The following NLGN1 variants were observed in gnomAD, a reference collection of about 807,000 sequenced individuals.
NLGN1 encodes the protein neuroligin-1.
In NLGN1, 12 loss-of-function variants were observed where a neutral mutation model predicts 65.5. The observed-to-expected ratio is 0.18, with a 90% CI of 0.12 to 0.30. The LOEUF (loss-of-function observed/expected upper bound fraction) is 0.30. Among genes scored for constraint, NLGN1 ranks in the 10% least tolerant of loss-of-function variants. NLGN1 has a pLI of 1.00. For synonymous variants in NLGN1, 350 were observed against 359.5 expected, an observed-to-expected ratio of 0.97 and a Z score of 0.30; for missense variants, 750 against 1,007.1, an observed-to-expected ratio of 0.74 and a Z score of 3.46.
intron 2 of NLGN1, among the ~76,000 whole-genome samples, chr3:173,527,399 T>C (rs559399705): frequency 5.9e-5 from 9 of 152,140 alleles, no homozygotes; most frequent in African/African-American, 2.2e-4. Flanking sequence ...TCCATTTTTC[T>C]TTTTTTCTTT....
chr3:173,855,964 G>A (rs1362712028), intron 4 of NLGN1, among the ~76,000 whole-genome samples: 1 of 152,042 alleles, frequency 6.6e-6, no homozygotes, highest in African/African-American at 2.4e-5. Context: ...ATGAAAGAAT[G>A]GTATGTTTAG....
intron 4 of NLGN1, among the ~76,000 whole-genome samples, chr3:174,058,548 C>G (rs1391456232): frequency 4.0e-5 from 6 of 151,836 alleles, no homozygotes; most frequent in Admixed American, 3.9e-4. Context: ...GGTAGATACT[C>G]GTATACATTT....
At chr3:173,640,267 A>G (rs1231947307) in intron 3 of NLGN1, among the ~76,000 whole-genome samples, 1 of 152,184 alleles carries the variant, frequency 6.6e-6, no homozygotes, top group Non-Finnish European at 1.5e-5. Context: ...GGGAAATTTT[A>G]CATTTTAGAA....
intron 4 of NLGN1, among the ~76,000 whole-genome samples, chr3:173,893,603 T>C (rs1361433648): frequency 6.6e-6 from 1 of 152,216 alleles, no homozygotes; most frequent in Non-Finnish European, 1.5e-5. Context: ...TCAAATCCTG[T>C]ACATTCTAAC....
intron 4 of NLGN1, among the ~76,000 whole-genome samples, chr3:173,835,171 ACT>A (rs1491439445): frequency 8.5e-5 from 13 of 152,052 alleles, no homozygotes; most frequent in African/African-American, 2.9e-4. Flanking sequence ...TTTGCAGTAG[ACT>A]CTGAGCATTA....
chr3:173,420,889 A>G (rs948651093), intron 1 of NLGN1, among the ~76,000 whole-genome samples: 4 of 152,144 alleles, frequency 2.6e-5, no homozygotes, highest in Non-Finnish European at 5.9e-5. Context: ...CTTTCTATTC[A>G]TTGCCATTGC....
chr3:174,217,711 G>A (rs1000614891), intron 4 of NLGN1, among the ~76,000 whole-genome samples: 2 of 152,064 alleles, frequency 1.3e-5, no homozygotes, highest in Admixed American at 6.6e-5. Context: ...CTTTTGGAGA[G>A]AAACAGTTTT....
chr3:173,437,290 CAT>C (rs1226533936), intron 2 of NLGN1, among the ~76,000 whole-genome samples: 5 of 152,166 alleles, frequency 3.3e-5, no homozygotes, highest in Non-Finnish European at 7.3e-5. Context: ...GCCAATACCA[CAT>C]GTGTCTATTG....
At chr3:173,402,413 A>G (rs1237458634) in intron 1 of NLGN1, among the ~76,000 whole-genome samples, 2 of 152,158 alleles carry the variant, frequency 1.3e-5, no homozygotes, top group Non-Finnish European at 2.9e-5. Flanking sequence ...TCAACTTTGT[A>G]TAGAATATAG....
chr3:174,039,833 C>T (rs915601230), intron 4 of NLGN1, among the ~76,000 whole-genome samples: 2 of 152,004 alleles, frequency 1.3e-5, no homozygotes, highest in African/African-American at 2.4e-5. Flanking sequence ...AGATAAGAAA[C>T]GCTGAGAGGT....
intron 4 of NLGN1, among the ~76,000 whole-genome samples, chr3:174,221,526 A>G (rs1706252335): frequency 6.6e-6 from 1 of 152,114 alleles, no homozygotes; most frequent in Non-Finnish European, 1.5e-5. Flanking sequence ...TTGAGCACTC[A>G]ATTTTTGGTG....
At chr3:174,025,855 G>A (rs1432198166) in intron 4 of NLGN1, among the ~76,000 whole-genome samples, 2 of 152,110 alleles carry the variant, frequency 1.3e-5, no homozygotes, top group Admixed American at 1.3e-4. Context: ...GAATTTAGCT[G>A]TGTAAAATTC....
chr3:173,938,098 G>A (rs184106586), intron 4 of NLGN1, among the ~76,000 whole-genome samples: 5 of 152,218 alleles, frequency 3.3e-5, no homozygotes, highest in Admixed American at 2.6e-4. Context: ...ATTAAAAGAG[G>A]GTCCTTTTCT....
chr3:174,234,985 C>CTTTTTTTTTTTTT lies in NLGN1; in HGVS notation c.647-40312_647-40300dup, dbSNP rs748911027. Among the ~76,000 whole-genome samples, 25 of 65,748 alleles carry CTTTTTTTTTTTTT rather than the reference C, an allele frequency of 3.8e-4. 6 individuals are homozygous for CTTTTTTTTTTTTT. Among genetic ancestry groups the CTTTTTTTTTTTTT allele is most frequent in the African/African-American group, 1.5e-3 (19 of 12,494 alleles). 43.1% of individuals were successfully genotyped at this position (65,748 alleles called of 152,430 possible). ...GAGCTTTGTAAAATAAAGGAATCACCTTTTTTTTTTTTTTTTTTTTTTTTT... is the reference window on the plus strand; with the variant it reads ...GAGCTTTGTAAAATAAAGGAATCACCTTTTTTTTTTTTTTTTTTTTTTTTTTTTTTTTTTTTTT... On this transcript the variant is annotated intron_variant, in intron 4 of 6. Transcript: ENST00000457714.
At chr3:173,432,273 G>A (rs1382934395) in intron 1 of NLGN1, among the ~76,000 whole-genome samples, 7 of 152,150 alleles carry the variant, frequency 4.6e-5, no homozygotes, top group Non-Finnish European at 1.5e-5. Context: ...CATCGGGTAC[G>A]AGTATAAGTA....
intron 3 of NLGN1, among the ~76,000 whole-genome samples, chr3:173,683,254 T>C (rs927676079): frequency 6.6e-6 from 1 of 152,214 alleles, no homozygotes; most frequent in African/African-American, 2.4e-5. Context: ...GAAGAAACTA[T>C]CATTCCTACA....
intron 2 of NLGN1, among the ~76,000 whole-genome samples, chr3:173,560,094 C>A (rs891084105): frequency 2.0e-5 from 3 of 152,050 alleles, no homozygotes; most frequent in African/African-American, 7.2e-5. Flanking sequence ...CAGGCGCCTG[C>A]CACCACGCCT....
At chr3:174,061,779 G>A (rs556649706) in intron 4 of NLGN1, among the ~76,000 whole-genome samples, 1 of 152,224 alleles carries the variant, frequency 6.6e-6, no homozygotes, top group South Asian at 2.1e-4. Context: ...TCTATAAAGT[G>A]CAGAAGCTCC....
intron 4 of NLGN1, among the ~76,000 whole-genome samples, chr3:174,142,648 A>G (rs979736685): frequency 6.6e-6 from 1 of 152,052 alleles, no homozygotes; most frequent in African/African-American, 2.4e-5. Flanking sequence ...AGAAAGAAAG[A>G]CAAAGAACTA....
Sources: gnomAD v4.1 joint callset for allele counts (sites outside exome capture counted in the v4.1 genomes callset) on GRCh38, gnomAD v4.1.1 for gene constraint, MANE v1.5 for transcripts, NCBI Gene and HGNC (gene_info 2026-07-23, HGNC 2026-07-21) for gene names.